ROBO1: variants seen among roughly 807,000 people sequenced by gnomAD.
ROBO1 encodes the protein roundabout homolog 1.
A neutral mutation model predicts 195.9 loss-of-function variants in ROBO1; 149 were observed. The observed-to-expected ratio is 0.76, with a 90% CI of 0.67 to 0.87. ROBO1 has a LOEUF of 0.87. Among genes scored for constraint, ROBO1 ranks in the 40% least tolerant of loss-of-function variants. The probability of loss-of-function intolerance (pLI) is 0.00; values close to 1 mark genes in which losing one functional copy is unlikely to be tolerated. For missense variants in ROBO1, 1,933 were observed against 2,068.3 expected (o/e 0.93, Z 1.27); for synonymous variants, 816 against 733.2 (o/e 1.11, Z -1.82).
chr3:78,943,421 G>C (rs12630777), intron 3 of ROBO1, among the ~76,000 whole-genome samples: 11 of 152,070 alleles, frequency 7.2e-5, no homozygotes, highest in Non-Finnish European at 1.6e-4. Context: ...ATGGAACTCA[G>C]GACCAAGTTT....
rs1429351105 is a variant in ROBO1 at position 79,241,703 on chromosome 3, TAAC to T, written c.89-116167_89-116165del. Among the ~76,000 whole-genome samples, 9 of 149,984 alleles carry T rather than the reference TAAC, an allele frequency of 6.0e-5. No individual in the cohort carries two copies. The South Asian group carries it at 1.0e-3, about 17-fold the overall frequency. On this transcript the variant is annotated intron_variant, in intron 2 of 30. Transcript: ENST00000464233. Reference sequence around the variant, plus strand: ...CAATATTTATGTAATAAATATGTAATAACAATATTTATATAAATATAAATAATT... The same window carrying T: ...CAATATTTATGTAATAAATATGTAATAATATTTATATAAATATAAATAATT...
chr3:78,643,393 C>T (rs1287736400), intron 21 of ROBO1, among the ~76,000 whole-genome samples: 2 of 152,172 alleles, frequency 1.3e-5, no homozygotes, highest in East Asian at 1.9e-4. Context: ...CCTTATGTTA[C>T]GCACTTCATT....
chr3:78,774,630 G>C (rs959748641), intron 4 of ROBO1, among the ~76,000 whole-genome samples: 3 of 150,364 alleles, frequency 2.0e-5, no homozygotes, highest in African/African-American at 7.3e-5. Context: ...TCTACCACTT[G>C]AAAATATCAG....
chr3:79,278,433 G>A (rs1171191836), intron 2 of ROBO1, among the ~76,000 whole-genome samples: 1 of 152,018 alleles, frequency 6.6e-6, no homozygotes, highest in African/African-American at 2.4e-5. Context: ...CACAAGACCA[G>A]ACCTTAATCC....
intron 4 of ROBO1, among the ~76,000 whole-genome samples, chr3:78,892,829 T>C (rs1320135924): frequency 6.6e-6 from 1 of 152,210 alleles, no homozygotes; most frequent in Non-Finnish European, 1.5e-5. Context: ...ATCATTTATA[T>C]AAAATCAACT....
chr3:79,271,477 T>C (rs1292206356), intron 2 of ROBO1, among the ~76,000 whole-genome samples: 1 of 151,932 alleles, frequency 6.6e-6, no homozygotes, highest in Non-Finnish European at 1.5e-5. Flanking sequence ...CTGGAAAATA[T>C]TAGACTATTC....
intron 1 of ROBO1, among the ~76,000 whole-genome samples, chr3:79,727,268 G>C (rs564152199): frequency 8.0e-5 from 12 of 149,400 alleles, no homozygotes; most frequent in African/African-American, 2.9e-4. Flanking sequence ...TTGCCAACTA[G>C]AGTCAGACAT....
chr3:78,797,247 A>G (rs889219732), intron 4 of ROBO1, among the ~76,000 whole-genome samples: 4 of 152,196 alleles, frequency 2.6e-5, no homozygotes, highest in African/African-American at 4.8e-5. Flanking sequence ...GTCATTGTTC[A>G]TTGGTATATT....
intron 1 of ROBO1, among the ~76,000 whole-genome samples, chr3:79,687,026 C>T (rs1414746735): frequency 6.6e-6 from 1 of 152,054 alleles, no homozygotes; most frequent in Non-Finnish European, 1.5e-5. Context: ...GAGATATAGA[C>T]CAATGGAACA....
At chr3:79,017,055 C>T (rs138241023) in intron 3 of ROBO1, among the ~76,000 whole-genome samples, 452 of 152,268 alleles carry the variant, frequency 3.0e-3, no homozygotes, top group African/African-American at 0.011. Context: ...ACTCATCCCT[C>T]CACTGTGACG....
chr3:79,147,193 C>T (rs955544071), intron 2 of ROBO1, among the ~76,000 whole-genome samples: 5 of 151,788 alleles, frequency 3.3e-5, no homozygotes, highest in South Asian at 4.1e-4. Context: ...ATATAGTCAA[C>T]GCAATTGGTT....
intron 2 of ROBO1, among the ~76,000 whole-genome samples, chr3:79,209,175 C>T (rs1161351456): frequency 6.6e-6 from 1 of 152,150 alleles, no homozygotes; most frequent in African/African-American, 2.4e-5. Flanking sequence ...TGTCCTTCCA[C>T]ACCAAGTCCC....
Position 78,685,904 on chromosome 3 carries a change from G to A in ROBO1, c.1184C>T (p.Ser395Leu). 2 of 1,590,806 alleles carry A rather than the reference G, an allele frequency of 1.3e-6. No homozygotes were observed. The highest frequency in any genetic ancestry group is 1.7e-6 in the Non-Finnish European group (2 of 1,166,532). ...RREGSQNLLF[S>L]YQPPQSSSRF... Reference sequence around the variant, plus strand: ...GCTGGATGACTGTGGTGGTTGATATGAGAAAAGTAGATTCTAGAACCCAGA... The same window carrying A: ...GCTGGATGACTGTGGTGGTTGATATAAGAAAAGTAGATTCTAGAACCCAGA... The change falls in exon 10 of 31, where the codon TCA (serine) becomes TTA (leucine). Residue 395 changes from serine (S) to leucine (L), a missense_variant. This residue lies in a region of ROBO1 where 1,737 missense variants were observed against 1,882.5 expected (regional missense o/e 0.92). Coordinates refer to ENST00000464233, the MANE Select transcript of ROBO1 (RefSeq NM_002941.4).
intron 2 of ROBO1, among the ~76,000 whole-genome samples, chr3:79,314,258 T>C (rs1457607874): frequency 6.6e-6 from 1 of 152,182 alleles, no homozygotes; most frequent in Non-Finnish European, 1.5e-5. Flanking sequence ...GATGTAAGAC[T>C]GATAGGGTTT....
chr3:79,109,617 T>A (rs796438525), intron 3 of ROBO1, among the ~76,000 whole-genome samples: 45 of 152,208 alleles, frequency 3.0e-4, no homozygotes, highest in African/African-American at 1.1e-3. Context: ...TTCTCTTATA[T>A]CATCTGTAAA....
Position 78,938,773 on chromosome 3 carries a change from C to A in ROBO1, c.327G>T (p.Glu109Asp). The A allele has an allele frequency of 6.2e-7, 1 of 1,614,004 alleles. No individual in the cohort carries two copies. Among genetic ancestry groups the A allele is most frequent in the African/African-American group, 1.3e-5 (1 of 75,044 alleles). The part of the protein sequence containing the change: ...IEWYKGGERV[E>D]TDKDDPRSHR... The stretch of plus-strand genomic sequence containing the variant: ...GTGAGCGAGGGTCATCTTTGTCTGT[C>A]TCCACTCTCTCTCCCCCTTTGTACC... The change falls in exon 4 of 31, where the codon GAG becomes GAT. Residue 109 changes from glutamate to aspartate, a missense_variant. Glu to Asp is a conservative substitution (Grantham distance 45, BLOSUM62 2). Coordinates refer to ENST00000464233, the MANE Select transcript of ROBO1 (RefSeq NM_002941.4).
chr3:79,358,017 T>C (rs2035624615), intron 2 of ROBO1, among the ~76,000 whole-genome samples: 1 of 152,126 alleles, frequency 6.6e-6, no homozygotes, highest in African/African-American at 2.4e-5. Flanking sequence ...TCTGATGGTG[T>C]GTTTTTTAGG....
At chr3:79,475,117 G>A (rs560733483) in intron 2 of ROBO1, among the ~76,000 whole-genome samples, 16 of 151,702 alleles carry the variant, frequency 1.1e-4, no homozygotes, top group African/African-American at 3.9e-4. Flanking sequence ...CCAAAGGAAT[G>A]ATAGTATTAA....
intron 4 of ROBO1, among the ~76,000 whole-genome samples, chr3:78,884,633 G>GAA (rs1553755973): frequency 4.6e-5 from 4 of 87,464 alleles, no homozygotes; most frequent in East Asian, 2.9e-4. Flanking sequence ...GAGAAAGAAA[G>GAA]AGAAAGAAAG....
Sources: allele counts gnomAD v4.1 joint callset (sites outside exome capture counted in the v4.1 genomes callset), GRCh38; gene constraint gnomAD v4.1.1; regional missense constraint gnomAD v4.1.1; transcripts MANE v1.5; gene names NCBI Gene and HGNC (gene_info 2026-07-23, HGNC 2026-07-21).